The following SHISA6 variants were observed in gnomAD, a reference collection of about 807,000 sequenced individuals.
SHISA6 encodes shisa family member 6.
A neutral mutation model predicts 47.9 loss-of-function variants in SHISA6; 22 were observed. The observed-to-expected ratio is 0.46, with a 90% confidence interval of 0.33 to 0.66. SHISA6 has a LOEUF of 0.66. SHISA6 is among the 30% of genes least tolerant of loss of function. The pLI is 0.02. For missense variants in SHISA6, 680 were observed against 764.6 expected (o/e 0.89, Z 1.30); for synonymous variants, 388 against 337.8 (o/e 1.15, Z -1.63).
At chr17:11,476,378 G>C (rs1426125350) in intron 3 of SHISA6, among the ~76,000 whole-genome samples, 1 of 151,902 alleles carries the variant, frequency 6.6e-6, no homozygotes, top group Non-Finnish European at 1.5e-5. Context: ...TGGAAACCTA[G>C]ATTACTGATT....
At chr17:11,385,168 G>T (rs1913151895) in intron 3 of SHISA6, among the ~76,000 whole-genome samples, 1 of 152,114 alleles carries the variant, frequency 6.6e-6, no homozygotes, top group African/African-American at 2.4e-5. Flanking sequence ...AGTCCAGAAG[G>T]CCTTAGGAAA....
intron 1 of SHISA6, among the ~76,000 whole-genome samples, chr17:11,258,815 G>A (rs1332285891): frequency 6.6e-6 from 1 of 152,264 alleles, no homozygotes; most frequent in Non-Finnish European, 1.5e-5. Context: ...TTCAGCCACA[G>A]CTGAGTTCTT....
intron 3 of SHISA6, among the ~76,000 whole-genome samples, chr17:11,502,408 CAAAAA>C (rs33980148): frequency 2.1e-4 from 7 of 34,058 alleles, no homozygotes; most frequent in East Asian, 2.2e-3. Context: ...GACTCCGTCT[CAAAAA>C]AAAAAAAAAA....
intron 3 of SHISA6, among the ~76,000 whole-genome samples, chr17:11,452,472 T>TA (rs1347362856): frequency 6.6e-6 from 1 of 152,148 alleles, no homozygotes; most frequent in Non-Finnish European, 1.5e-5. Flanking sequence ...TAAAAGGAAT[T>TA]AGAGTGACTC....
chr17:11,518,298 G>A (rs968271734), intron 3 of SHISA6, among the ~76,000 whole-genome samples: 1 of 152,098 alleles, frequency 6.6e-6, no homozygotes, highest in African/African-American at 2.4e-5. Flanking sequence ...AACTATGCTG[G>A]GCACATAGTG....
At position 11,241,891 on chromosome 17, in the gene SHISA6, A is replaced by G; in HGVS notation, c.469A>G (p.Lys157Glu). 6.4e-7 allele frequency: 1 copy of G among 1,551,238 alleles called. No individual in the cohort carries two copies. Among genetic ancestry groups the G allele is most frequent in the Non-Finnish European group, 8.7e-7 (1 of 1,147,016 alleles). Reference sequence around the variant, plus strand: ...GGTGTGGGTACAGACGCCCAGCACCAAGGTGGTGTCGCCGGGGCCCGAGAA... The same window carrying G: ...GGTGTGGGTACAGACGCCCAGCACCGAGGTGGTGTCGCCGGGGCCCGAGAA... ...SPVWVQTPST[K>E]VVSPGPENKY... Residue 157 changes from lysine to glutamate, a missense_variant, in exon 1 of 6, where the codon AAG (lysine) becomes GAG (glutamate). Lys to Glu is a moderately conservative substitution (Grantham distance 56, BLOSUM62 1). This residue lies in a region of SHISA6 where 559 missense variants were observed against 674.1 expected (regional missense o/e 0.83). Transcript: ENST00000441885. The surrounding 1 kb of genome is among the most constrained non-coding windows in gnomAD (Gnocchi z 5.5).
At position 11,404,366 on chromosome 17, in the gene SHISA6, G is replaced by C. The variant is rs183560837; in HGVS notation, c.895+24857G>C. Among the ~76,000 whole-genome samples the C allele has an allele frequency of 1.9e-3, 284 of 152,278 alleles. 2 individuals carry two copies. The highest frequency in any genetic ancestry group is 6.2e-3 in the African/African-American group (259 of 41,556). On this transcript the variant is annotated intron_variant, in intron 3 of 5. Coordinates refer to ENST00000441885, the MANE Select transcript of SHISA6 (RefSeq NM_207386.4). ...TCTGGCCCACTGAAGACTGGAGTGA[G>C]GGGGGAGACAGTCTAGGGACTTCAT...
chr17:11,342,468 C>A (rs1264825713), intron 2 of SHISA6, among the ~76,000 whole-genome samples: 1 of 151,990 alleles, frequency 6.6e-6, no homozygotes, highest in Non-Finnish European at 1.5e-5. Context: ...TCTAGGGGAG[C>A]CAGACCCTGC....
At chr17:11,299,717 T>C (rs567386462) in intron 2 of SHISA6, among the ~76,000 whole-genome samples, 70 of 152,202 alleles carry the variant, frequency 4.6e-4, no homozygotes, top group Middle Eastern at 3.4e-3. Flanking sequence ...CCCATCACCT[T>C]CTCTCTCTGA....
intron 3 of SHISA6, among the ~76,000 whole-genome samples, chr17:11,499,683 CTTTTT>C (rs372464937): frequency 7.8e-6 from 1 of 127,562 alleles, no homozygotes; most frequent in Non-Finnish European, 1.6e-5. Flanking sequence ...CTTTTTCTTT[CTTTTT>C]TTTTTTTTTT....
chr17:11,331,309 A>C (rs896171208), intron 2 of SHISA6, among the ~76,000 whole-genome samples: 1 of 152,202 alleles, frequency 6.6e-6, no homozygotes, highest in Non-Finnish European at 1.5e-5. Flanking sequence ...AAGAGACAAC[A>C]AACAGCATTT....
intron 3 of SHISA6, among the ~76,000 whole-genome samples, chr17:11,448,056 C>A (rs1307279790): frequency 6.6e-6 from 1 of 152,152 alleles, no homozygotes; most frequent in African/African-American, 2.4e-5. Context: ...TGTCAGGGCA[C>A]ACAATGAAAA....
At chr17:11,420,128 C>T (rs1914410422) in intron 3 of SHISA6, among the ~76,000 whole-genome samples, 1 of 152,138 alleles carries the variant, frequency 6.6e-6, no homozygotes, top group South Asian at 2.1e-4. Context: ...CACTTGAACC[C>T]AGAAGGCAGA....
intron 3 of SHISA6, among the ~76,000 whole-genome samples, chr17:11,509,967 G>A (rs1281259102): frequency 6.6e-6 from 1 of 152,132 alleles, no homozygotes; most frequent in Non-Finnish European, 1.5e-5. Context: ...GGTCTGAGAT[G>A]GGAGAGGTAA....
intron 3 of SHISA6, among the ~76,000 whole-genome samples, chr17:11,534,416 A>G (rs1443749216): frequency 1.3e-5 from 2 of 152,174 alleles, no homozygotes; most frequent in Non-Finnish European, 2.9e-5. Context: ...CATAATGGCC[A>G]TATTTATCCA....
intron 2 of SHISA6, among the ~76,000 whole-genome samples, chr17:11,316,892 C>T (rs1910543422): frequency 6.6e-6 from 1 of 152,054 alleles, no homozygotes; most frequent in Non-Finnish European, 1.5e-5. Context: ...AGCTTAATGT[C>T]CTATTTTACA....
At chr17:11,344,281 A>G (rs1166502979) in intron 2 of SHISA6, among the ~76,000 whole-genome samples, 1 of 152,170 alleles carries the variant, frequency 6.6e-6, no homozygotes, top group Non-Finnish European at 1.5e-5. Context: ...GTTGTCTTTT[A>G]ACTTTTCTGA....
At chr17:11,300,165 A>AT (rs1909876584) in intron 2 of SHISA6, among the ~76,000 whole-genome samples, 1 of 144,926 alleles carries the variant, frequency 6.9e-6, no homozygotes, top group South Asian at 2.2e-4. Flanking sequence ...AAAAAAAAAA[A>AT]GAAAAACAAG....
At chr17:11,348,487 T>C (rs570070892) in intron 2 of SHISA6, among the ~76,000 whole-genome samples, 34 of 152,258 alleles carry the variant, frequency 2.2e-4, no homozygotes, top group Non-Finnish European at 3.5e-4. Context: ...AATTATTTAA[T>C]GCAATAATTT....
Sources: allele counts gnomAD v4.1 joint callset (sites outside exome capture counted in the v4.1 genomes callset), GRCh38; gene constraint gnomAD v4.1.1; regional missense constraint gnomAD v4.1.1; non-coding constraint Gnocchi (gnomAD v3.1); transcripts MANE v1.5; gene names NCBI Gene and HGNC (gene_info 2026-07-23, HGNC 2026-07-21).